CHCHD3: variants seen among roughly 807,000 people sequenced by gnomAD.
CHCHD3 encodes MICOS complex subunit MIC19.
In CHCHD3, 20 loss-of-function variants were observed where a neutral mutation model predicts 38.2. The ratio of observed to expected loss-of-function variants is 0.52; its 90% CI spans 0.37 to 0.76. The LOEUF (loss-of-function observed/expected upper bound fraction) is 0.76, where lower values mean the gene tolerates loss of function less well. Ranked by LOEUF, CHCHD3 falls within the 30% of genes least tolerant of loss-of-function variation. CHCHD3 has a pLI of 0.00. For synonymous variants in CHCHD3, 82 were observed against 100.0 expected (o/e 0.82, Z 1.07); for missense variants, 245 against 279.2 (o/e 0.88, Z 0.87).
intron 4 of CHCHD3, among the ~76,000 whole-genome samples, chr7:132,954,959 G>A (rs762523389): frequency 2.0e-5 from 3 of 152,090 alleles, no homozygotes; most frequent in East Asian, 1.9e-4. Flanking sequence ...ACCATGTACC[G>A]CAGAGATGGG....
intron 4 of CHCHD3, among the ~76,000 whole-genome samples, chr7:132,910,228 G>C (rs150850297): frequency 2.0e-5 from 3 of 152,096 alleles, no homozygotes; most frequent in Non-Finnish European, 4.4e-5. Context: ...TATTTGTACC[G>C]GTAAAACTTG....
intron 3 of CHCHD3, among the ~76,000 whole-genome samples, chr7:133,001,327 T>C (rs886298987): frequency 1.3e-5 from 2 of 152,192 alleles, no homozygotes; most frequent in African/African-American, 4.8e-5. Context: ...ATGTTATCCC[T>C]TTCTCTCACA....
intron 4 of CHCHD3, chr7:132,973,185 C>CTTCAAAGATAAGA (rs1811654787): frequency 1.0e-6 from 1 of 985,112 alleles, no homozygotes. Context: ...AGAAAGAGTG[C>CTTCAAAGATAAGA]TTCAAAGATA....
chr7:133,058,851 G>C (rs1459109028), intron 2 of CHCHD3, among the ~76,000 whole-genome samples: 3 of 152,208 alleles, frequency 2.0e-5, no homozygotes, highest in Non-Finnish European at 4.4e-5. Context: ...ATGAGCTAAA[G>C]CAAATTCTAG....
intron 4 of CHCHD3, among the ~76,000 whole-genome samples, chr7:132,891,032 T>A (rs1418556438): frequency 6.6e-6 from 1 of 152,174 alleles, no homozygotes; most frequent in Non-Finnish European, 1.5e-5. Flanking sequence ...AACTGAAATA[T>A]CAAAGGAGGC....
chr7:132,956,759 A>G (rs74439568), intron 4 of CHCHD3, among the ~76,000 whole-genome samples: 9,999 of 152,214 alleles, frequency 0.066, 833 homozygotes, highest in African/African-American at 0.2. Flanking sequence ...CATTCAAGAG[A>G]GATTACAGCA....
intron 4 of CHCHD3, among the ~76,000 whole-genome samples, chr7:132,907,368 C>A (rs968374923): frequency 1.3e-5 from 2 of 151,944 alleles, no homozygotes; most frequent in African/African-American, 4.8e-5. Context: ...ACACAAGCAA[C>A]CATAATAGAA....
At chr7:132,966,191 G>C (rs926839067) in intron 4 of CHCHD3, among the ~76,000 whole-genome samples, 1 of 152,200 alleles carries the variant, frequency 6.6e-6, no homozygotes, top group Non-Finnish European at 1.5e-5. Context: ...ACAGATTCCT[G>C]CTCTTGAGAG....
At chr7:132,797,766 G>T (rs1806657486) in intron 6 of CHCHD3, among the ~76,000 whole-genome samples, 1 of 152,066 alleles carries the variant, frequency 6.6e-6, no homozygotes, top group African/African-American at 2.4e-5. Flanking sequence ...ATATATGCTT[G>T]AAAAATGATA....
At chr7:133,062,268 T>C (rs1814539471) in intron 2 of CHCHD3, among the ~76,000 whole-genome samples, 1 of 152,184 alleles carries the variant, frequency 6.6e-6, no homozygotes, top group Non-Finnish European at 1.5e-5. Flanking sequence ...GCCATCCAGA[T>C]GATGCTCTCA....
intron 3 of CHCHD3, among the ~76,000 whole-genome samples, chr7:132,997,605 C>T (rs73162663): frequency 7.0e-6 from 1 of 143,592 alleles, no homozygotes; most frequent in Non-Finnish European, 1.5e-5. Context: ...ATGCTTCTAC[C>T]ATTTTCCTGC....
chr7:133,060,021 A>G (rs1191960191), intron 2 of CHCHD3, among the ~76,000 whole-genome samples: 1 of 152,250 alleles, frequency 6.6e-6, no homozygotes, highest in Non-Finnish European at 1.5e-5. Context: ...AATGAAGTAC[A>G]TACTATTACA....
chr7:133,066,729 T>C (rs939564943), intron 2 of CHCHD3, among the ~76,000 whole-genome samples: 1 of 152,082 alleles, frequency 6.6e-6, no homozygotes, highest in African/African-American at 2.4e-5. Context: ...CAGGCACTCA[T>C]AGAAAACCTC....
chr7:132,961,889 T>A (rs1811330080), intron 4 of CHCHD3, among the ~76,000 whole-genome samples: 1 of 152,242 alleles, frequency 6.6e-6, no homozygotes, highest in Admixed American at 6.5e-5. Flanking sequence ...TGTTTGTTTT[T>A]CTGTATCTCA....
At chr7:132,980,344 T>C (rs892751933) in intron 3 of CHCHD3, among the ~76,000 whole-genome samples, 1 of 152,264 alleles carries the variant, frequency 6.6e-6, no homozygotes, top group Non-Finnish European at 1.5e-5. Context: ...AAACTAAACA[T>C]GCCAAGTATC....
chr7:133,072,825 C>CAA lies in CHCHD3; in HGVS notation c.82-2598_82-2597dup, dbSNP rs34614646. ...TGGGCAACAGAGTGAGACTCCGTCT[C>CAA]AAAAAAAAAAAAAAAAGATCCCACT... is the stretch of plus-strand genomic sequence containing the variant. On this transcript the variant is annotated intron_variant, in intron 1 of 7. Transcript: ENST00000262570. Among the ~76,000 whole-genome samples the CAA allele has an allele frequency of 6.2e-3, 767 of 122,910 alleles. 4 individuals carry two copies. Among genetic ancestry groups the CAA allele is most frequent in the South Asian group, 0.043 (159 of 3,740 alleles). 80.6% of individuals were successfully genotyped at this position (122,910 alleles called of 152,430 possible).
chr7:133,035,131 C>A lies in CHCHD3; in HGVS notation c.170-10504G>T. On this transcript the variant is annotated intron_variant, in intron 2 of 7. Transcript: ENST00000262570. This position sits in a 1 kb window ranked among gnomAD's most constrained non-coding sequence, Gnocchi z 4.7. Reference sequence around the variant, plus strand: ...GCAGCCAGCGCCTGCTCACATTCATCCATCTCCTCCTCAGGAGCAGGGGCA... The same window carrying A: ...GCAGCCAGCGCCTGCTCACATTCATACATCTCCTCCTCAGGAGCAGGGGCA... The A allele has an allele frequency of 6.2e-7, 1 of 1,613,690 alleles. No homozygotes were observed. Among genetic ancestry groups the A allele is most frequent in the Non-Finnish European group, 8.5e-7 (1 of 1,179,708 alleles).
chr7:133,040,320 T>C (rs1311384471), intron 2 of CHCHD3, among the ~76,000 whole-genome samples: 1 of 152,128 alleles, frequency 6.6e-6, no homozygotes, highest in Non-Finnish European at 1.5e-5. Context: ...TATTGACTAT[T>C]TCAAGTTGAA....
chr7:132,924,029 A>G (rs1448578400), intron 4 of CHCHD3, among the ~76,000 whole-genome samples: 2 of 152,202 alleles, frequency 1.3e-5, no homozygotes, highest in Non-Finnish European at 2.9e-5. Context: ...AATAAGAATA[A>G]CATTTGTCTT....
Sources: gnomAD v4.1 joint callset for allele counts (sites outside exome capture counted in the v4.1 genomes callset) on GRCh38, gnomAD v4.1.1 for gene constraint, Gnocchi (gnomAD v3.1) non-coding constraint, MANE v1.5 for transcripts, NCBI Gene and HGNC (gene_info 2026-07-23, HGNC 2026-07-21) for gene names.